The following DNAAF1 variants were observed in gnomAD, a reference collection of about 807,000 sequenced individuals.
DNAAF1 encodes dynein assembly factor 1, axonemal.
Under a neutral mutation model 71.1 loss-of-function variants are expected in DNAAF1, and 65 were observed. The observed-to-expected ratio is 0.91, with a 90% CI of 0.75 to 1.12. DNAAF1 has a LOEUF of 1.12. Among genes scored for constraint, DNAAF1 ranks in the 50% most tolerant of loss-of-function variants. DNAAF1 has a pLI of 0.00. For synonymous variants in DNAAF1, 414 were observed against 354.6 expected (o/e 1.17, Z -1.88); for missense variants, 1,178 against 899.8 (o/e 1.31, Z -3.96).
chr16:84,146,802 G>C (rs1597391458), intron 1 of DNAAF1, among the ~76,000 whole-genome samples: 2 of 151,862 alleles, frequency 1.3e-5, no homozygotes, highest in South Asian at 4.2e-4. Flanking sequence ...ACTAGACTTG[G>C]TGCCCTAAAG....
chr16:84,151,490 G>T (rs1023763753), intron 3 of DNAAF1, among the ~76,000 whole-genome samples: 2 of 152,170 alleles, frequency 1.3e-5, no homozygotes, highest in African/African-American at 4.8e-5. Flanking sequence ...ACTGCCGGGG[G>T]ACTGATACTT....
chr16:84,150,452 G>T, intron 3 of DNAAF1, 110 bp downstream of exon 3: 1 of 854,238 alleles, frequency 1.2e-6, no homozygotes, highest in Admixed American at 2.0e-5. Context: ...TATCTAAGCA[G>T]GAAATTTCAA....
chr16:84,170,445 G>C, intron 8 of DNAAF1, 89 bp downstream of exon 8: 4 of 1,586,494 alleles, frequency 2.5e-6, no homozygotes, highest in Non-Finnish European at 3.4e-6. Context: ...CCTGGGGCCT[G>C]AGTTTCACTT....
At chr16:84,166,047 T>TC in intron 7 of DNAAF1, 98 bp downstream of exon 7, 1 of 607,918 alleles carries the variant, frequency 1.6e-6, no homozygotes, top group Non-Finnish European at 2.4e-6. Flanking sequence ...ATTTTTTTTT[T>TC]TTTTTTTTTT....
At chr16:84,164,225 G>A (rs968361639) in intron 6 of DNAAF1, among the ~76,000 whole-genome samples, 1 of 152,164 alleles carries the variant, frequency 6.6e-6, no homozygotes, top group Non-Finnish European at 1.5e-5. Flanking sequence ...CATTCGTGTG[G>A]TACGTTTGTG....
At chr16:84,158,122 G>A (rs142800714) in intron 5 of DNAAF1, among the ~76,000 whole-genome samples, 1,808 of 152,136 alleles carry the variant, frequency 0.012, 46 homozygotes, top group African/African-American at 0.041. Context: ...GGAGAATGGC[G>A]CGAACCTGGG....
chr16:84,174,944 C>T, intron 10 of DNAAF1: 1 of 519,866 alleles, frequency 1.9e-6, no homozygotes, highest in Non-Finnish European at 3.5e-6. Flanking sequence ...CAACCTCCAC[C>T]TCCTGGGTTC....
At chr16:84,146,581 G>C (rs1309317396) in intron 1 of DNAAF1, among the ~76,000 whole-genome samples, 1 of 152,140 alleles carries the variant, frequency 6.6e-6, no homozygotes. Flanking sequence ...GCAGGGCGTG[G>C]TGACGTGCTC....
chr16:84,165,038 A>G (rs547402148), intron 6 of DNAAF1, among the ~76,000 whole-genome samples: 16 of 152,182 alleles, frequency 1.1e-4, no homozygotes, highest in East Asian at 7.7e-4. Context: ...TCACAGGCTT[A>G]TTTGCCATCT....
At position 84,170,122 on chromosome 16, in the gene DNAAF1, G is replaced by A. The variant is rs144990549; in HGVS notation, c.1294G>A (p.Glu432Lys). ...GTCGTCACCTGTGGAGGTTAAAGGA[G>A]AGGACGGAGATGGAGAGCCAGAGGG... ...LLSSPVEVKG[E>K]DGDGEPEGTL... The change falls in exon 8 of 12, where the codon GAG (glutamate) becomes AAG (lysine). Residue 432 changes from glutamate (E) to lysine (K), a missense_variant. Glu to Lys is a moderately conservative substitution (Grantham distance 56). Coordinates refer to ENST00000378553, the MANE Select transcript of DNAAF1 (RefSeq NM_178452.6). 68 of 1,583,394 alleles carry A rather than the reference G, an allele frequency of 4.3e-5. No individual in the cohort carries two copies. In the African/African-American group the frequency reaches 7.8e-4, roughly 18 times the overall value.
rs3743637 is a variant in DNAAF1 at position 84,176,566 on chromosome 16, T to G, written c.2065+267T>G. On this transcript the variant is annotated intron_variant, in intron 11 of 11. Transcript: ENST00000378553. ...GTCTGACTGTGTGTGGGGGTCACAA[T>G]CCCCCTGTGGTCATGCAGATCTCCT... 0.51 allele frequency: 286,949 copies of G among 559,622 alleles called. 73,931 individuals carry two copies. Among genetic ancestry groups the G allele is most frequent in the East Asian group, 0.56 (17,706 of 31,440 alleles). The allele number at this position is 559,622 out of a possible 1,614,324, so 34.7% of individuals were successfully genotyped here.
In DNAAF1 at chr16:84,149,035, G is replaced by T; in HGVS notation, c.153G>T (p.Val51=). The change falls in exon 2 of 12, where the codon GTG becomes GTT. Residue 51 remains valine (V), a synonymous_variant. Coordinates refer to ENST00000378553, the MANE Select transcript of DNAAF1 (RefSeq NM_178452.6). ...TTAATGATCCTAAGGAAATATGTGTGGGTTCTTCTGACACATCCTACCACA... is the reference window on the plus strand; with the variant it reads ...TTAATGATCCTAAGGAAATATGTGTTGGTTCTTCTGACACATCCTACCACA... The part of the protein sequence containing the change: ...EEINDPKEIC[V]GSSDTSYHSQ... 6.2e-7 allele frequency: 1 copy of T among 1,614,016 alleles called. No individual in the cohort carries two copies.
intron 6 of DNAAF1, among the ~76,000 whole-genome samples, chr16:84,164,719 G>A (rs2087880654): frequency 6.6e-6 from 1 of 152,216 alleles, no homozygotes; most frequent in Admixed American, 6.5e-5. Context: ...TAAAACTGCT[G>A]TAAACGTCCA....
At chr16:84,158,389 A>G (rs2087542981) in intron 5 of DNAAF1, among the ~76,000 whole-genome samples, 1 of 151,896 alleles carries the variant, frequency 6.6e-6, no homozygotes, top group Admixed American at 6.6e-5. Flanking sequence ...TCTGTGTCCT[A>G]CTTTTTTCTT....
chr16:84,159,323 T>C, intron 5 of DNAAF1: 1 of 916,500 alleles, frequency 1.1e-6, no homozygotes, highest in Non-Finnish European at 1.4e-6. Flanking sequence ...AACAATCAAT[T>C]AGGCAGAGAT....
chr16:84,170,843 T>G (rs1344958369), intron 8 of DNAAF1, among the ~76,000 whole-genome samples: 1 of 150,666 alleles, frequency 6.6e-6, no homozygotes, highest in Non-Finnish European at 1.5e-5. Flanking sequence ...AAAAATAAAT[T>G]GATTAATAAA....
chr16:84,162,677 G>T (rs2087769718), intron 6 of DNAAF1, among the ~76,000 whole-genome samples: 2 of 152,046 alleles, frequency 1.3e-5, no homozygotes, highest in South Asian at 4.1e-4. Flanking sequence ...AAATTAGCTG[G>T]GTGTGGTGGC....
chr16:84,169,078 T>A (rs1030448943), intron 7 of DNAAF1, among the ~76,000 whole-genome samples: 3 of 40,918 alleles, frequency 7.3e-5, no homozygotes, highest in African/African-American at 3.0e-4. Context: ...TCAAGGATAC[T>A]TTTTTTTTTT....
chr16:84,166,376 T>TC (rs1251618784), intron 7 of DNAAF1, among the ~76,000 whole-genome samples: 1 of 116,922 alleles, frequency 8.6e-6, no homozygotes, highest in African/African-American at 3.1e-5. Context: ...TTTTCTTTTT[T>TC]TTTTTTTTTT....
Sources: allele counts gnomAD v4.1 joint callset (sites outside exome capture counted in the v4.1 genomes callset), GRCh38; gene constraint gnomAD v4.1.1; transcripts MANE v1.5; gene names NCBI Gene and HGNC (gene_info 2026-07-23, HGNC 2026-07-21).